Variants in ACIN1 observed in about 807,000 individuals in gnomAD.
ACIN1 encodes the protein apoptotic chromatin condensation inducer 1.
In ACIN1, 16 loss-of-function variants were observed where a neutral mutation model predicts 146.6. That is an observed-to-expected ratio of 0.11 (90% CI 0.07 to 0.17). ACIN1 has a LOEUF of 0.17. Among genes scored for constraint, ACIN1 ranks in the 10% least tolerant of loss-of-function variants. ACIN1 has a pLI of 1.00. For missense variants in ACIN1, 1,357 were observed against 1,609.3 expected, an observed-to-expected ratio of 0.84 and a Z score of 2.68; for synonymous variants, 569 against 582.7, an observed-to-expected ratio of 0.98 and a Z score of 0.34.
chr14:23,065,321 C>T (rs1369686565), intron 10 of ACIN1, among the ~76,000 whole-genome samples: 1 of 152,234 alleles, frequency 6.6e-6, no homozygotes, highest in African/African-American at 2.4e-5. Flanking sequence ...GGCACGATGG[C>T]TCACGCCTGT....
intron 8 of ACIN1, chr14:23,071,054 A>T: frequency 6.9e-7 from 1 of 1,449,714 alleles, no homozygotes; most frequent in Non-Finnish European, 9.4e-7. Flanking sequence ...GAAAGCCATG[A>T]GGAAGAGAAG....
Position 23,071,586 on chromosome 14 carries a change from G to A in ACIN1, c.2124-1969C>T, listed in dbSNP as rs767731376. 9.8e-5 allele frequency: 151 copies of A among 1,539,694 alleles called. 1 individual carries two copies. Among genetic ancestry groups the A allele is most frequent in the African/African-American group, 1.4e-4 (10 of 72,804 alleles). ...CACTTACCCAGCAGCCTGTGTGTGC[G>A]GATGGGGGAGGGCCTTGCTGCAGCA... On this transcript the variant is annotated intron_variant, in intron 8 of 18. Coordinates refer to ENST00000605057, the MANE Select transcript of ACIN1 (RefSeq NM_001386863.1).
intron 9 of ACIN1, 78 bp downstream of exon 9, chr14:23,069,398 G>A (rs993659441): frequency 1.9e-6 from 3 of 1,545,028 alleles, no homozygotes; most frequent in African/African-American, 2.7e-5. Context: ...CCGTGTAAGA[G>A]GGATCACTAG....
In ACIN1 at chr14:23,068,552, A is replaced by G. The variant is rs1314806484; in HGVS notation, c.2265+924T>C. On this transcript the variant is annotated intron_variant, in intron 9 of 18. Coordinates refer to ENST00000605057, the MANE Select transcript of ACIN1 (RefSeq NM_001386863.1). The surrounding 1 kb of genome is among the most constrained non-coding windows in gnomAD (Gnocchi z 4.3). ...CCTCTGGCCAAGACACCTGGATAGC[A>G]GACTTGGCTCTGATTGGGCAGCTCA... 1 of 985,804 alleles carries G rather than the reference A, an allele frequency of 1.0e-6. No homozygotes were observed. Among genetic ancestry groups the G allele is most frequent in the African/African-American group, 1.7e-5 (1 of 57,248 alleles). The allele number at this position is 985,804 out of a possible 1,614,324, so 61.1% of individuals were successfully genotyped here.
At chr14:23,076,767 C>T (rs2047812500) in intron 8 of ACIN1, among the ~76,000 whole-genome samples, 1 of 152,116 alleles carries the variant, frequency 6.6e-6, no homozygotes, top group Non-Finnish European at 1.5e-5. Context: ...AAATGTACCT[C>T]CATGGAATTG....
Position 23,080,101 on chromosome 14 carries a change from T to C in ACIN1, c.1234A>G (p.Thr412Ala), listed in dbSNP as rs1363301000. Residue 412 changes from threonine to alanine, a missense_variant, in exon 6 of 19, where the codon ACT becomes GCT. Coordinates refer to ENST00000605057, the MANE Select transcript of ACIN1 (RefSeq NM_001386863.1). The part of the protein sequence containing the change: ...DTRELLVSQH[T>A]VQLVGGLSPL... The stretch of plus-strand genomic sequence containing the variant: ...GACAGGCCTCCTACCAACTGGACAG[T>C]ATGCTGAGATACTAATAGCTCCCTG... 1 of 1,614,122 alleles carries C rather than the reference T, an allele frequency of 6.2e-7. No individual in the cohort carries two copies. Among genetic ancestry groups the C allele is most frequent in the Non-Finnish European group, 8.5e-7 (1 of 1,180,006 alleles).
chr14:23,080,413 G>T lies in ACIN1; in HGVS notation c.922C>A (p.Pro308Thr). The T allele has an allele frequency of 6.2e-7, 1 of 1,614,132 alleles. No homozygotes were observed. The highest frequency in any genetic ancestry group is 8.5e-7 in the Non-Finnish European group (1 of 1,180,022). ...ATTTCTCTTTCTTCCTCCTCAAGGG[G>T]AGATGTTGTTTTCATTTCCTTCTCC... is the stretch of plus-strand genomic sequence containing the variant. Reference protein sequence around the residue: ...QQEKEMKTTSPLEEEEREIKS... With the variant: ...QQEKEMKTTSTLEEEEREIKS... Residue 308 changes from proline to threonine, a missense_variant, in exon 6 of 19, where the codon CCC becomes ACC. Physicochemically the swap from Pro to Thr is conservative, Grantham distance 38. Around this residue, in one of 4 missense-constraint regions of ACIN1, gnomAD observed 771 missense variants for 746.6 expected, o/e 1.03. Transcript: ENST00000605057.
In ACIN1 at chr14:23,095,068, C is replaced by A; in HGVS notation, c.45G>T (p.Gln15His). 6.2e-7 allele frequency: 1 copy of A among 1,614,120 alleles called. No individual in the cohort carries two copies. Among genetic ancestry groups the A allele is most frequent in the Non-Finnish European group, 8.5e-7 (1 of 1,180,038 alleles). ...EEVTLDGKPL[Q>H]ALRVTDLKAA... ...CCTTCAGGTCGGTCACCCGCAGCGC[C>A]TGAAGAGGCTTCCCGTCCAGAGTCA... Residue 15 changes from glutamine (Q) to histidine (H), a missense_variant, in exon 1 of 19, where the codon CAG becomes CAT. Physicochemically the swap from Gln to His is conservative, Grantham distance 24 (BLOSUM62 0). This residue lies in a region of ACIN1 where 22 missense variants were observed against 19.1 expected (regional missense o/e 1.15). Coordinates refer to ENST00000605057, the MANE Select transcript of ACIN1 (RefSeq NM_001386863.1).
intron 14 of ACIN1, chr14:23,062,727 G>T: frequency 2.6e-6 from 2 of 774,998 alleles, no homozygotes; most frequent in Non-Finnish European, 4.1e-6. Flanking sequence ...CCTTCTGCAA[G>T]TCCTCAAAAC....
chr14:23,080,094 TGGA>T lies in ACIN1; in HGVS notation c.1238_1240del (p.Val413_Gln414delinsGlu). Reference sequence around the variant, plus strand: ...CAAAGGAGACAGGCCTCCTACCAACTGGACAGTATGCTGAGATACTAATAGCTC... The same window carrying T: ...CAAAGGAGACAGGCCTCCTACCAACTCAGTATGCTGAGATACTAATAGCTC... On this transcript the variant is annotated inframe_deletion, in exon 6 of 19. Transcript: ENST00000605057. The T allele has an allele frequency of 2.5e-6, 4 of 1,614,140 alleles. No homozygotes were observed. The highest frequency in any genetic ancestry group is 2.5e-6 in the Non-Finnish European group (3 of 1,180,012).
intron 13 of ACIN1, 39 bp downstream of exon 13, chr14:23,063,397 G>C (rs2047349730): frequency 6.3e-7 from 1 of 1,595,766 alleles, no homozygotes; most frequent in Non-Finnish European, 8.5e-7. Context: ...TGAGAATTCA[G>C]GGAGCCGCAT....
At chr14:23,095,437 A>G, upstream of ACIN1, 5 of 1,125,190 alleles carry the variant, frequency 4.4e-6, no homozygotes, top group Non-Finnish European at 6.2e-6. Context: ...ATGTTCGTTT[A>G]TTTCCGGACC....
chr14:23,095,283 A>C, upstream of ACIN1: 4 of 1,595,498 alleles, frequency 2.5e-6, no homozygotes, highest in Non-Finnish European at 3.4e-6. Flanking sequence ...TTCCGTCTCC[A>C]CATCGTTACC....
rs35662715 is a variant in ACIN1 at position 23,068,600 on chromosome 14, G to A, written c.2265+876C>T. The A allele has an allele frequency of 1.0e-6, 1 of 985,992 alleles. No homozygotes were observed. Among genetic ancestry groups the A allele is most frequent in the Non-Finnish European group, 1.2e-6 (1 of 830,014 alleles). The allele number at this position is 985,992 out of a possible 1,614,324, so 61.1% of individuals were successfully genotyped here. A position where few individuals can be genotyped will look rare whatever the true frequency, so the allele number is the denominator to read the frequency against. On this transcript the variant is annotated intron_variant, in intron 9 of 18. Coordinates refer to ENST00000605057, the MANE Select transcript of ACIN1 (RefSeq NM_001386863.1). This position sits in a 1 kb window ranked among gnomAD's most constrained non-coding sequence, Gnocchi z 4.3. ...TCAGTAGCAGCGGGTGGGTCCAGAG[G>A]AAGAGGCGGCATCAGCGATTGGCCA...
In ACIN1 at chr14:23,068,916, A is replaced by G. The variant is rs971838886; in HGVS notation, c.2265+560T>C. ...CTGAAGTGGGTGCAGGACACAAGAT[A>G]ACATATGCCAAAAAAGGAGGTAGAG... On this transcript the variant is annotated intron_variant, in intron 9 of 18. Transcript: ENST00000605057. This position sits in a 1 kb window ranked among gnomAD's most constrained non-coding sequence, Gnocchi z 4.3. 8.1e-6 allele frequency: 8 copies of G among 985,362 alleles called. No individual in the cohort carries two copies. In the African/African-American group the frequency reaches 1.2e-4, roughly 15 times the overall value. The allele number at this position is 985,362 out of a possible 1,614,324, so 61.0% of individuals were successfully genotyped here.
intron 4 of ACIN1, among the ~76,000 whole-genome samples, chr14:23,082,347 G>A (rs1436559489): frequency 6.6e-6 from 1 of 151,518 alleles, no homozygotes; most frequent in African/African-American, 2.4e-5. Context: ...GTTTTTCAGC[G>A]CCCTAAAGTT....
At chr14:23,072,340 G>T (rs573833353) in intron 8 of ACIN1, among the ~76,000 whole-genome samples, 1 of 152,300 alleles carries the variant, frequency 6.6e-6, no homozygotes, top group South Asian at 2.1e-4. Context: ...AGGATAAACA[G>T]GGCAAGGGGA....
rs148719036 is a variant in ACIN1 at position 23,063,688 on chromosome 14, G to A, written c.2596-111C>T. ...GCAGTCAATCTAGCATGTTCCTTCCGCTAGGGGTATTTCGTTATCGGCTCA... is the reference window on the plus strand; with the variant it reads ...GCAGTCAATCTAGCATGTTCCTTCCACTAGGGGTATTTCGTTATCGGCTCA... On this transcript the variant is annotated intron_variant, in intron 12 of 18. Coordinates refer to ENST00000605057, the MANE Select transcript of ACIN1 (RefSeq NM_001386863.1). 8.9e-4 allele frequency: 1,121 copies of A among 1,264,652 alleles called. 7 individuals carry two copies. The African/African-American group carries it at 0.014, about 16-fold the overall frequency. The allele number at this position is 1,264,652 out of a possible 1,614,324, so 78.3% of individuals were successfully genotyped here. A position where few individuals can be genotyped will look rare whatever the true frequency, so the allele number is the denominator to read the frequency against.
At position 23,080,485 on chromosome 14, in the gene ACIN1, T is replaced by C. The variant is rs776139173; in HGVS notation, c.850A>G (p.Arg284Gly). 1.4e-5 allele frequency: 22 copies of C among 1,614,184 alleles called. No individual in the cohort carries two copies. In the Admixed American group the frequency reaches 3.0e-4, roughly 22 times the overall value. Residue 284 changes from arginine (R) to glycine (G), a missense_variant, in exon 6 of 19, where the codon AGA becomes GGA. Physicochemically the swap from Arg to Gly is moderately radical, Grantham distance 125 (BLOSUM62 -2). Transcript: ENST00000605057. ...EVLERGGRFT[R>G]SQEEARKSHL... is the part of the protein sequence containing the mutation. ...CTTTTTCTAGCCTCTTCCTGGGATC[T>C]TGTAAATCTCCCTCCTCTCTCTAAC...
Sources: gnomAD v4.1 joint callset for allele counts (sites outside exome capture counted in the v4.1 genomes callset) on GRCh38, gnomAD v4.1.1 for gene constraint, gnomAD v4.1.1 regional missense constraint, Gnocchi (gnomAD v3.1) non-coding constraint, MANE v1.5 for transcripts, NCBI Gene and HGNC (gene_info 2026-07-23, HGNC 2026-07-21) for gene names.